Variants in STN1 observed in about 807,000 individuals in gnomAD.
The protein encoded by STN1 is STN1 subunit of CST complex, also known as CST complex subunit STN1.
STN1 carries 29 observed loss-of-function variants against 45.5 expected under a neutral mutation model. That is an observed-to-expected ratio of 0.64 (90% CI 0.47 to 0.87). STN1 has a LOEUF of 0.87. Among genes scored for constraint, STN1 ranks in the 40% least tolerant of loss-of-function variants. STN1 has a pLI of 0.00. For missense variants in STN1, 376 were observed against 441.4 expected (o/e 0.85, Z 1.33); for synonymous variants, 148 against 159.0 (o/e 0.93, Z 0.52).
At chr10:103,904,530 T>C (rs900181417) in intron 4 of STN1, among the ~76,000 whole-genome samples, 2 of 152,184 alleles carry the variant, frequency 1.3e-5, no homozygotes, top group South Asian at 4.1e-4. Flanking sequence ...AGTCAATGTA[T>C]TCACTATACA....
chr10:103,902,560 A>G (rs1440840856), intron 4 of STN1, among the ~76,000 whole-genome samples: 2 of 152,218 alleles, frequency 1.3e-5, no homozygotes, highest in Non-Finnish European at 2.9e-5. Flanking sequence ...TTCCATCATG[A>G]AAGATAAATC....
chr10:103,901,893 G>A (rs755011464), intron 4 of STN1, among the ~76,000 whole-genome samples: 10 of 152,090 alleles, frequency 6.6e-5, no homozygotes, highest in Non-Finnish European at 1.3e-4. Context: ...AATGCATGCA[G>A]GCTCACAACT....
chr10:103,888,541 A>C (rs769993342), intron 9 of STN1, among the ~76,000 whole-genome samples: 8 of 152,210 alleles, frequency 5.3e-5, no homozygotes, highest in Non-Finnish European at 1.0e-4. Flanking sequence ...TCTTTTGCAA[A>C]TTAACAGTTT....
At chr10:103,903,080 G>A (rs2134369007) in intron 4 of STN1, among the ~76,000 whole-genome samples, 1 of 152,250 alleles carries the variant, frequency 6.6e-6, no homozygotes, top group South Asian at 2.1e-4. Context: ...GACTAAAACA[G>A]GGGTCTGCAA....
At chr10:103,909,682 A>G (rs1469633877) in intron 3 of STN1, among the ~76,000 whole-genome samples, 2 of 151,982 alleles carry the variant, frequency 1.3e-5, no homozygotes, top group Non-Finnish European at 2.9e-5. Context: ...ACAAATTATC[A>G]ATCATGCAGG....
rs757577860 is a variant in STN1 at position 103,892,225 on chromosome 10, T to C, written c.781A>G (p.Lys261Glu). ...TTCTTAAATATACTATGAATTGCCT[T>C]GGAAGTGGTGTCCTTCTTAAAATTC... Reference protein sequence around the residue: ...QVNFKKDTTSKAIHSIFKNAI... With the variant: ...QVNFKKDTTSEAIHSIFKNAI... Residue 261 changes from lysine (K) to glutamate (E), a missense_variant, in exon 8 of 10, where the codon AAG (lysine) becomes GAG (glutamate). Transcript: ENST00000224950. 7 of 1,601,560 alleles carry C rather than the reference T, an allele frequency of 4.4e-6. No homozygotes were observed. In the Admixed American group the frequency reaches 1.1e-4, roughly 24 times the overall value.
intron 9 of STN1, among the ~76,000 whole-genome samples, 183 bp downstream of exon 9, chr10:103,888,889 G>A (rs1843120214): frequency 6.6e-6 from 1 of 152,174 alleles, no homozygotes; most frequent in South Asian, 2.1e-4. Flanking sequence ...CAACAACTGT[G>A]CTAGCCCAAC....
In STN1 at chr10:103,889,347, T is replaced by C. The variant is rs114366669; in HGVS notation, c.877-203A>G. Among the ~76,000 whole-genome samples the C allele has an allele frequency of 1.3e-3, 191 of 152,270 alleles. No individual in the cohort carries two copies. The highest frequency in any genetic ancestry group is 6.2e-3 in the South Asian group (30 of 4,820). Reference sequence around the variant, plus strand: ...GGACACGTCCTTGGGAGTTGGTTCATTGGGGCAATGAGGTTAAAACAAAAA... The same window carrying C: ...GGACACGTCCTTGGGAGTTGGTTCACTGGGGCAATGAGGTTAAAACAAAAA... On this transcript the variant is annotated intron_variant, in intron 8 of 9. Transcript: ENST00000224950.
Position 103,900,124 on chromosome 10 carries a change from A to C in STN1, c.395T>G (p.Ile132Ser). ...TGTGCGGATACTGCCTCTGACTCGG[A>C]TCGTGTCCCCGATCTCTATCTTTGT... ...QKTKIEIGDT[I>S]RVRGSIRTYR... Residue 132 changes from isoleucine to serine, a missense_variant, in exon 5 of 10, where the codon ATC (isoleucine) becomes AGC (serine). Ile to Ser is a moderately radical substitution (Grantham distance 142). Coordinates refer to ENST00000224950, the MANE Select transcript of STN1 (RefSeq NM_024928.5). 1 of 1,614,168 alleles carries C rather than the reference A, an allele frequency of 6.2e-7. No individual in the cohort carries two copies. Among genetic ancestry groups the C allele is most frequent in the South Asian group, 1.1e-5 (1 of 91,078 alleles).
chr10:103,886,927 C>T (rs1035704593), intron 9 of STN1, among the ~76,000 whole-genome samples: 2 of 152,272 alleles, frequency 1.3e-5, no homozygotes, highest in Admixed American at 6.5e-5. Flanking sequence ...AATGCCGCCA[C>T]ATTGCCCATC....
In STN1 at chr10:103,900,930, G is replaced by A. The variant is rs546895654; in HGVS notation, c.296-707C>T. Among the ~76,000 whole-genome samples, 6 of 152,262 alleles carry A rather than the reference G, an allele frequency of 3.9e-5. No homozygotes were observed. The South Asian group carries it at 1.2e-3, about 32-fold the overall frequency. ...TGGGTACTATAGATGCTGTTCTAAG[G>A]AGTTTACAATGTATTAGCACATTTA... On this transcript the variant is annotated intron_variant, in intron 4 of 9. Coordinates refer to ENST00000224950, the MANE Select transcript of STN1 (RefSeq NM_024928.5).
At chr10:103,902,937 T>C (rs1461703435) in intron 4 of STN1, among the ~76,000 whole-genome samples, 2 of 152,226 alleles carry the variant, frequency 1.3e-5, no homozygotes, top group African/African-American at 2.4e-5. Context: ...CATCTACTTA[T>C]TGATATTTTA....
rs1843179802 is a variant in STN1, at chr10:103,897,653, G to A, written c.648C>T (p.Leu216=). The A allele has an allele frequency of 6.2e-7, 1 of 1,614,056 alleles. No homozygotes were observed. The highest frequency in any genetic ancestry group is 8.5e-7 in the Non-Finnish European group (1 of 1,180,026). Reference sequence around the variant, plus strand: ...AAAAGCTCTGCACTCTGTTCTCCATGAGGAATTCTTTGGCTTTTTCACTCA... The same window carrying A: ...AAAAGCTCTGCACTCTGTTCTCCATAAGGAATTCTTTGGCTTTTTCACTCA... ...SLLSEKAKEF[L]MENRVQSFYQ... The change falls in exon 7 of 10, where the codon CTC becomes CTT. Residue 216 remains leucine, a synonymous_variant. Transcript: ENST00000224950.
chr10:103,917,398 T>A (rs754220298), intron 2 of STN1, 64 bp downstream of exon 2: 6 of 1,539,272 alleles, frequency 3.9e-6, no homozygotes, highest in Non-Finnish European at 5.3e-6. Context: ...ATCCCAGCTT[T>A]CTGAGACTTT....
At chr10:103,902,570 C>G (rs1202517969) in intron 4 of STN1, among the ~76,000 whole-genome samples, 1 of 152,168 alleles carries the variant, frequency 6.6e-6, no homozygotes, top group African/African-American at 2.4e-5. Context: ...AAAGATAAAT[C>G]CCCTTTAACA....
At chr10:103,909,408 G>GTATATATGTATATATGTA (rs1843268748) in intron 3 of STN1, among the ~76,000 whole-genome samples, 2 of 46,636 alleles carry the variant, frequency 4.3e-5, no homozygotes, top group African/African-American at 1.5e-4. Flanking sequence ...GTATATATAT[G>GTATATATGTATATATGTA]TATATATGTA....
rs374940856 is a variant in STN1 at position 103,893,235 on chromosome 10, C to A, written c.754-983G>T. Among the ~76,000 whole-genome samples the A allele has an allele frequency of 4.6e-5, 7 of 151,934 alleles. No individual in the cohort carries two copies. In the South Asian group the frequency reaches 1.0e-3, roughly 23 times the overall value. ...CCAGGCTGGAGTGCAGTGGCGCGATCTCAGCTCACTGCAAGCTCCACCTCC... is the reference window on the plus strand; with the variant it reads ...CCAGGCTGGAGTGCAGTGGCGCGATATCAGCTCACTGCAAGCTCCACCTCC... On this transcript the variant is annotated intron_variant, in intron 7 of 9. Coordinates refer to ENST00000224950, the MANE Select transcript of STN1 (RefSeq NM_024928.5).
chr10:103,892,167 A>G lies in STN1; in HGVS notation c.839T>C (p.Val280Ala), dbSNP rs199709485. Residue 280 changes from valine (V) to alanine (A), a missense_variant, in exon 8 of 10, where the codon GTT (valine) becomes GCT (alanine). Physicochemically the swap from Val to Ala is moderately conservative, Grantham distance 64 (BLOSUM62 0). Transcript: ENST00000224950. ...AIQLLQEKGL[V>A]FQKDDGFDNL... ...ATCAAAACCATCATCTTTCTGGAAA[A>G]CAAGTCCTTTTTCCTGCAGCAGTTG... 2.5e-6 allele frequency: 4 copies of G among 1,612,552 alleles called. No individual in the cohort carries two copies. The highest frequency in any genetic ancestry group is 3.4e-6 in the Non-Finnish European group (4 of 1,179,592).
chr10:103,914,838 T>C (rs992618766), intron 2 of STN1, among the ~76,000 whole-genome samples: 1 of 152,168 alleles, frequency 6.6e-6, no homozygotes, highest in African/African-American at 2.4e-5. Context: ...TACTCAAAGA[T>C]AGGTTAAATT....
Sources: gnomAD v4.1 joint callset for allele counts (sites outside exome capture counted in the v4.1 genomes callset) on GRCh38, gnomAD v4.1.1 for gene constraint, MANE v1.5 for transcripts, NCBI Gene and HGNC (gene_info 2026-07-23, HGNC 2026-07-21) for gene names.